The following APOBEC3H variants were observed in gnomAD, a reference collection of about 807,000 sequenced individuals.
APOBEC3H encodes apolipoprotein B mRNA editing enzyme catalytic subunit 3H.
APOBEC3H carries 8 observed loss-of-function variants against 21.2 expected under a neutral mutation model. That is an observed-to-expected ratio of 0.38 (90% CI 0.22 to 0.68). The LOEUF is 0.68. APOBEC3H is among the 30% of genes least tolerant of loss of function. The pLI, the probability that APOBEC3H is intolerant of heterozygous loss-of-function variation, is 0.52. For synonymous variants in APOBEC3H, 88 were observed against 91.0 expected, an observed-to-expected ratio of 0.97 and a Z score of 0.19; for missense variants, 229 against 228.1, an observed-to-expected ratio of 1.00 and a Z score of -0.03.
intron 4 of APOBEC3H, 100 bp downstream of exon 4, chr22:39,102,142 T>C: frequency 7.3e-7 from 1 of 1,371,472 alleles, no homozygotes; most frequent in South Asian, 1.5e-5. Flanking sequence ...CCTACCTTTT[T>C]TTCTTTTCTT....
chr22:39,101,783 C>A, intron 3 of APOBEC3H, 135 bp from the exon 4 acceptor site: 1 of 1,400,164 alleles, frequency 7.1e-7, no homozygotes, highest in African/African-American at 1.4e-5. Flanking sequence ...AGATCTGACA[C>A]CACCCGGGAG....
At position 39,101,181 on chromosome 22, in the gene APOBEC3H, T is replaced by C. The variant is rs950093697; in HGVS notation, c.151-56T>C. 1.8e-5 allele frequency: 11 copies of C among 620,320 alleles called. No individual in the cohort carries two copies. The Admixed American group carries it at 2.6e-4, about 15-fold the overall frequency. 38.4% of individuals were successfully genotyped at this position (620,320 alleles called of 1,614,324 possible). On this transcript the variant is annotated intron_variant, in intron 2 of 4. Transcript: ENST00000442487. ...GTCCCGGCCCCCGCCCCCAGTCACA[T>C]GACTCCTGGCCTCTCTCTTCTCCCC...
chr22:39,103,304 C>T (rs76437499), intron 4 of APOBEC3H, among the ~76,000 whole-genome samples: 1,833 of 152,144 alleles, frequency 0.012, 31 homozygotes, highest in African/African-American at 0.041. Context: ...AATAATAACC[C>T]AAGATGAATT....
At chr22:39,099,445 C>T (rs1929175340) in intron 1 of APOBEC3H, among the ~76,000 whole-genome samples, 1 of 152,160 alleles carries the variant, frequency 6.6e-6, no homozygotes, top group Non-Finnish European at 1.5e-5. Flanking sequence ...CCCATCACTC[C>T]CCAAGGGGAA....
At position 39,103,715 on chromosome 22, in the gene APOBEC3H, G is replaced by T. The variant is rs760644323; in HGVS notation, c.*18G>T. ...AGTCCTGAAGTGTGGATGTTTTAGA[G>T]AATGACTTAAGAAGTTTGCAGCTTG... is the stretch of plus-strand genomic sequence containing the variant. On this transcript the variant is annotated 3_prime_UTR_variant, in exon 5 of 5. Coordinates refer to ENST00000442487, the MANE Select transcript of APOBEC3H (RefSeq NM_181773.5). The T allele has an allele frequency of 6.2e-6, 10 of 1,613,934 alleles. No homozygotes were observed. The South Asian group carries it at 6.6e-5, about 11-fold the overall frequency.
intron 2 of APOBEC3H, 75 bp from the exon 3 acceptor site, chr22:39,101,152 CCCCGTCCCGG>C: frequency 1.4e-5 from 6 of 429,546 alleles, no homozygotes; most frequent in South Asian, 4.9e-5. Context: ...CCATCCCCGC[CCCCGTCCCGG>C]CCCCCGCCCC....
chr22:39,100,156 G>C, intron 1 of APOBEC3H, 116 bp from the exon 2 acceptor site: 1 of 1,150,840 alleles, frequency 8.7e-7, no homozygotes, highest in Non-Finnish European at 1.3e-6. Flanking sequence ...CTGGGCGACA[G>C]AGCGAGACTC....
intron 4 of APOBEC3H, chr22:39,102,620 C>T: frequency 1.4e-6 from 1 of 712,572 alleles, no homozygotes; most frequent in Non-Finnish European, 2.6e-6. Flanking sequence ...TTTTTCAACC[C>T]TGGCCCCCCT....
At chr22:39,101,769 C>T in intron 3 of APOBEC3H, 149 bp from the exon 4 acceptor site, 2 of 1,277,088 alleles carry the variant, frequency 1.6e-6, no homozygotes, top group Non-Finnish European at 1.1e-6. Flanking sequence ...TCAGTCAAGG[C>T]CCAAGATCTG....
At chr22:39,100,167 T>C (rs1355319905) in intron 1 of APOBEC3H, 105 bp from the exon 2 acceptor site, 12 of 1,273,664 alleles carry the variant, frequency 9.4e-6, no homozygotes, top group Admixed American at 4.1e-5. Flanking sequence ...AGCGAGACTC[T>C]GTCTCAAAAA....
At chr22:39,098,383 C>T (rs1200225685) in intron 1 of APOBEC3H, among the ~76,000 whole-genome samples, 2 of 152,084 alleles carry the variant, frequency 1.3e-5, no homozygotes, top group Non-Finnish European at 2.9e-5. Context: ...GCCTGTAATC[C>T]CAACACTTTG....
chr22:39,099,120 G>A (rs570118919), intron 1 of APOBEC3H, among the ~76,000 whole-genome samples: 17 of 151,968 alleles, frequency 1.1e-4, no homozygotes, highest in Non-Finnish European at 1.9e-4. Flanking sequence ...GCTTGAACCC[G>A]GGAGAATCAC....
At chr22:39,100,127 C>G (rs1239271576) in intron 1 of APOBEC3H, 145 bp from the exon 2 acceptor site, 2 of 788,372 alleles carry the variant, frequency 2.5e-6, no homozygotes, top group African/African-American at 1.7e-5. Flanking sequence ...GAGCCAAGAT[C>G]GGGCCACTGC....
Position 39,098,121 on chromosome 22 carries a change from C to T in APOBEC3H, c.-8+778C>T, listed in dbSNP as rs143060426. On this transcript the variant is annotated intron_variant, in intron 1 of 4. Coordinates refer to ENST00000442487, the MANE Select transcript of APOBEC3H (RefSeq NM_181773.5). ...TACCCCACCTCTCTGCACCTCTGGC[C>T]CCTCCTCTGTAAGATGAGAATGGCC... 1.3e-3 allele frequency among the ~76,000 whole-genome samples: 203 copies of T among 152,298 alleles called. 2 individuals are homozygous for T. Among genetic ancestry groups the T allele is most frequent in the African/African-American group, 4.7e-3 (195 of 41,556 alleles).
intron 1 of APOBEC3H, among the ~76,000 whole-genome samples, chr22:39,098,489 A>G (rs1379477253): frequency 6.6e-6 from 1 of 152,222 alleles, no homozygotes; most frequent in East Asian, 1.9e-4. Context: ...AACTAAAAAA[A>G]TAAAATAAAA....
intron 4 of APOBEC3H, among the ~76,000 whole-genome samples, chr22:39,102,974 A>C (rs1292392677): frequency 1.1e-5 from 1 of 94,518 alleles, no homozygotes; most frequent in African/African-American, 7.8e-5. Context: ...AAAAAAAAAA[A>C]AAAAAAAAAA....
In APOBEC3H at chr22:39,104,039, T is replaced by C; in HGVS notation, c.*342T>C. 1 of 364,014 alleles carries C rather than the reference T, an allele frequency of 2.7e-6. No individual in the cohort carries two copies. The highest frequency in any genetic ancestry group is 5.0e-6 in the Non-Finnish European group (1 of 198,296). 22.5% of individuals were successfully genotyped at this position (364,014 alleles called of 1,614,324 possible). A position where few individuals can be genotyped will look rare whatever the true frequency, so the allele number is the denominator to read the frequency against. On this transcript the variant is annotated 3_prime_UTR_variant, in exon 5 of 5. Transcript: ENST00000442487. Reference sequence around the variant, plus strand: ...CTAGCACTTTGGGAGGCTGAGATGCTCGGCCAATAAATTTCTATTGTTTAT... The same window carrying C: ...CTAGCACTTTGGGAGGCTGAGATGCCCGGCCAATAAATTTCTATTGTTTAT...
At chr22:39,102,988 A>T (rs1189621624) in intron 4 of APOBEC3H, among the ~76,000 whole-genome samples, 1 of 119,054 alleles carries the variant, frequency 8.4e-6, no homozygotes, top group African/African-American at 3.3e-5. Context: ...AAAAAAAAAA[A>T]AAATTAACTC....
At position 39,101,321 on chromosome 22, in the gene APOBEC3H, T is replaced by C. The variant is rs746593278; in HGVS notation, c.235T>C (p.Tyr79His). Residue 79 changes from tyrosine to histidine, a missense_variant, in exon 3 of 5, where the codon TAC (tyrosine) becomes CAC (histidine). Tyr to His is a moderately conservative substitution (Grantham distance 83, BLOSUM62 2). Transcript: ENST00000442487. Reference sequence around the variant, plus strand: ...AACGCAGTGCTACCAAGTCACCTGTTACCTCACGTGGAGCCCCTGCTCCTC... The same window carrying C: ...AACGCAGTGCTACCAAGTCACCTGTCACCTCACGTGGAGCCCCTGCTCCTC... ...DETQCYQVTCYLTWSPCSSCA... is the reference protein window; with the variant it reads ...DETQCYQVTCHLTWSPCSSCA... The C allele has an allele frequency of 6.2e-7, 1 of 1,613,416 alleles. No homozygotes were observed. Among genetic ancestry groups the C allele is most frequent in the South Asian group, 1.1e-5 (1 of 91,042 alleles).
Sources: allele counts gnomAD v4.1 joint callset (sites outside exome capture counted in the v4.1 genomes callset), GRCh38; gene constraint gnomAD v4.1.1; transcripts MANE v1.5; gene names NCBI Gene and HGNC (gene_info 2026-07-23, HGNC 2026-07-21).